Variants in CDC14A observed in about 807,000 individuals in gnomAD.
CDC14A encodes the protein cell division cycle 14A.
CDC14A carries 53 observed loss-of-function variants against 74.4 expected under a neutral mutation model. That is an observed-to-expected ratio of 0.71 (90% confidence interval 0.57 to 0.89). CDC14A has a LOEUF of 0.89. Among genes scored for constraint, CDC14A ranks in the 40% least tolerant of loss-of-function variants. The probability of loss-of-function intolerance (pLI) is 0.00; values close to 1 mark genes in which losing one functional copy is unlikely to be tolerated. For missense variants in CDC14A, 646 were observed against 713.7 expected (o/e 0.91, Z 1.08); for synonymous variants, 247 against 258.4 (o/e 0.96, Z 0.43).
rs79469788 is a variant in CDC14A, at chr1:100,470,444, A to G, written c.977+2350A>G. On this transcript the variant is annotated intron_variant, in intron 10 of 15. Transcript: ENST00000336454. ...CTGGAAATCTTAACCAGTGCAATGAAAAAAAAAGAAAGAAAAAAAAACTTA... is the reference window on the plus strand; with the variant it reads ...CTGGAAATCTTAACCAGTGCAATGAGAAAAAAAGAAAGAAAAAAAAACTTA... Among the ~76,000 whole-genome samples, 1,131 of 151,928 alleles carry G rather than the reference A, an allele frequency of 7.4e-3. 11 individuals are homozygous for G. Among genetic ancestry groups the G allele is most frequent in the African/African-American group, 0.026 (1,070 of 41,474 alleles).
chr1:100,441,228 G>A (rs563665125), intron 6 of CDC14A, among the ~76,000 whole-genome samples: 1 of 152,256 alleles, frequency 6.6e-6, no homozygotes, highest in South Asian at 2.1e-4. Context: ...CCTTCCTGTT[G>A]TAGAGGAAAG....
intron 15 of CDC14A, among the ~76,000 whole-genome samples, chr1:100,500,834 G>A (rs1250802803): frequency 3.7e-5 from 5 of 135,068 alleles, no homozygotes; most frequent in Admixed American, 2.8e-4. Flanking sequence ...GTGTGTGTGT[G>A]TGTGTGTGTG....
intron 4 of CDC14A, among the ~76,000 whole-genome samples, chr1:100,398,201 A>G (rs1277741538): frequency 6.6e-6 from 1 of 152,174 alleles, no homozygotes; most frequent in African/African-American, 2.4e-5. Context: ...CGTTGTATGC[A>G]CTTAGGAATG....
intron 1 of CDC14A, among the ~76,000 whole-genome samples, chr1:100,346,947 G>A (rs1650480575): frequency 6.6e-6 from 1 of 152,142 alleles, no homozygotes; most frequent in Non-Finnish European, 1.5e-5. Context: ...AAATCACAGG[G>A]TTAGAAACAA....
In CDC14A at chr1:100,412,696, TTATATATATATATA is replaced by T. The variant is rs139550432; in HGVS notation, c.310-11512_310-11499del. Among the ~76,000 whole-genome samples, 8 of 74,104 alleles carry T rather than the reference TTATATATATATATA, an allele frequency of 1.1e-4. 1 individual carries two copies. The highest frequency in any genetic ancestry group is 6.7e-4 in the South Asian group (2 of 2,966). The allele number at this position is 74,104 out of a possible 152,430, so 48.6% of individuals were successfully genotyped here. A position where few individuals can be genotyped will look rare whatever the true frequency, so the allele number is the denominator to read the frequency against. Reference sequence around the variant, plus strand: ...AAGGTGGGTGAACTTCCTGTATGTTTTATATATATATATATATATATATATATTTTATATATATA... The same window carrying T: ...AAGGTGGGTGAACTTCCTGTATGTTTTATATATATATATTTTATATATATA... On this transcript the variant is annotated intron_variant, in intron 4 of 15. Transcript: ENST00000336454.
Position 100,455,439 on chromosome 1 carries a change from C to A in CDC14A, c.554C>A (p.Pro185Gln), listed in dbSNP as rs756151115. The A allele has an allele frequency of 1.9e-6, 3 of 1,602,734 alleles. No homozygotes were observed. The African/African-American group carries it at 4.0e-5, about 22-fold the overall frequency. Reference sequence around the variant, plus strand: ...AATGGTGACTTCAACTGGATTGTTCCAGGAAAATTTTTAGCATTTAGTGGA... The same window carrying A: ...AATGGTGACTTCAACTGGATTGTTCAAGGAAAATTTTTAGCATTTAGTGGA... ...VENGDFNWIVPGKFLAFSGPH... is the reference protein window; with the variant it reads ...VENGDFNWIVQGKFLAFSGPH... Residue 185 changes from proline (P) to glutamine (Q), a missense_variant, in exon 8 of 16, where the codon CCA (proline) becomes CAA (glutamine). Transcript: ENST00000336454.
chr1:100,516,991 C>T (rs1163311893), intron 15 of CDC14A, among the ~76,000 whole-genome samples: 1 of 152,200 alleles, frequency 6.6e-6, no homozygotes, highest in East Asian at 1.9e-4. Context: ...TTTCCTGGTG[C>T]ACGATGTTAA....
rs141348139 is a variant in CDC14A at position 100,478,776 on chromosome 1, A to G, written c.978-5516A>G. On this transcript the variant is annotated intron_variant, in intron 10 of 15. Coordinates refer to ENST00000336454, the MANE Select transcript of CDC14A (RefSeq NM_003672.4). ...AATTCCCCTGTTCTACTTTATTACA[A>G]TAGATGTTTTCATCAGCTTCTACTG... Among the ~76,000 whole-genome samples the G allele has an allele frequency of 9.2e-5, 14 of 152,316 alleles. No homozygotes were observed. The East Asian group carries it at 2.5e-3, about 27-fold the overall frequency.
chr1:100,464,751 AC>A (rs1452407436), intron 9 of CDC14A, among the ~76,000 whole-genome samples: 1 of 151,684 alleles, frequency 6.6e-6, no homozygotes, highest in Non-Finnish European at 1.5e-5. Flanking sequence ...TTTCATTAAA[AC>A]TCAGTGTGTT....
intron 10 of CDC14A, among the ~76,000 whole-genome samples, chr1:100,474,609 GT>G (rs35293583): frequency 4.8e-5 from 7 of 146,260 alleles, no homozygotes; most frequent in Admixed American, 1.4e-4. Flanking sequence ...TGTGGAGTGT[GT>G]TTTTTTTTTT....
At chr1:100,470,698 A>G (rs1668304862) in intron 10 of CDC14A, among the ~76,000 whole-genome samples, 2 of 152,288 alleles carry the variant, frequency 1.3e-5, no homozygotes. Flanking sequence ...ATATGAAAAG[A>G]TGTCCAACAT....
intron 10 of CDC14A, among the ~76,000 whole-genome samples, chr1:100,472,484 C>A (rs1668487725): frequency 6.6e-6 from 1 of 151,946 alleles, no homozygotes; most frequent in African/African-American, 2.4e-5. Flanking sequence ...AGATACTAGT[C>A]CTTTGTCTGG....
At chr1:100,399,055 T>C (rs1156980504) in intron 4 of CDC14A, among the ~76,000 whole-genome samples, 1 of 152,162 alleles carries the variant, frequency 6.6e-6, no homozygotes, top group Non-Finnish European at 1.5e-5. Context: ...AATGAGAAGA[T>C]AGGGGTGTTT....
At chr1:100,425,910 C>T (rs1029069742) in intron 5 of CDC14A, among the ~76,000 whole-genome samples, 2 of 152,054 alleles carry the variant, frequency 1.3e-5, no homozygotes, top group East Asian at 3.9e-4. Context: ...CAGTTTGAAG[C>T]CTCATTCTGC....
intron 1 of CDC14A, among the ~76,000 whole-genome samples, chr1:100,346,205 A>C (rs1025959000): frequency 9.9e-5 from 15 of 152,082 alleles, no homozygotes; most frequent in African/African-American, 3.6e-4. Context: ...AACAAAAAAA[A>C]CCTTTAGATT....
At chr1:100,351,619 C>T, upstream of CDC14A, 1 of 734,014 alleles carries the variant, frequency 1.4e-6, no homozygotes. Context: ...CCTCTCTCTC[C>T]TGTTCCCTCC....
At chr1:100,383,369 G>A (rs749933905) in intron 3 of CDC14A, 1 of 152,532 alleles carries the variant, frequency 6.6e-6, no homozygotes, top group Admixed American at 6.5e-5. Context: ...AACAAAGTGG[G>A]CCACACAGAG....
intron 11 of CDC14A, chr1:100,485,170 A>G: frequency 1.0e-6 from 1 of 985,400 alleles, no homozygotes; most frequent in East Asian, 1.1e-4. Context: ...CAACGTTGAA[A>G]CACCATTTGT....
chr1:100,429,855 T>C (rs1663443818), intron 5 of CDC14A, among the ~76,000 whole-genome samples: 1 of 151,690 alleles, frequency 6.6e-6, no homozygotes, highest in South Asian at 2.1e-4. Context: ...AGATTCTGAA[T>C]GGTTCTGAGT....
Sources: gnomAD v4.1 joint callset for allele counts (sites outside exome capture counted in the v4.1 genomes callset) on GRCh38, gnomAD v4.1.1 for gene constraint, MANE v1.5 for transcripts, NCBI Gene and HGNC (gene_info 2026-07-23, HGNC 2026-07-21) for gene names.